The following STX11 variants were observed in gnomAD, a reference collection of about 807,000 sequenced individuals.
STX11 encodes the protein syntaxin 11.
A neutral mutation model predicts 19.9 loss-of-function variants in STX11; 21 were observed. The observed-to-expected ratio is 1.06, with a 90% CI of 0.75 to 1.52. The LOEUF is 1.52. Ranked by LOEUF, STX11 falls within the 40% of genes most tolerant of loss-of-function variation. STX11 has a pLI of 0.00. For missense variants in STX11, 438 were observed against 405.9 expected (o/e 1.08, Z -0.68); for synonymous variants, 193 against 174.4 (o/e 1.11, Z -0.84).
chr6:144,150,813 C>T, intron 1 of STX11, 110 bp downstream of exon 1: 1 of 858,480 alleles, frequency 1.2e-6, no homozygotes, highest in Non-Finnish European at 1.4e-6. Flanking sequence ...GGCTCGGGAC[C>T]CGCGGCTGTG....
upstream of STX11, among the ~76,000 whole-genome samples, chr6:144,148,547 C>T (rs1800920539): frequency 6.6e-6 from 1 of 152,192 alleles, no homozygotes; most frequent in Non-Finnish European, 1.5e-5. Flanking sequence ...TCAGATTTCC[C>T]TATGATTACC....
At position 144,151,063 on chromosome 6, in the gene STX11, G is replaced by A. The variant is rs1290331370; in HGVS notation, c.-6+360G>A. Among the ~76,000 whole-genome samples, 1 of 152,190 alleles carries A rather than the reference G, an allele frequency of 6.6e-6. No individual in the cohort carries two copies. The highest frequency in any genetic ancestry group is 1.5e-5 in the Non-Finnish European group (1 of 68,034). ...TTTTATTTTAAATCGAAAGGCTGGA[G>A]TGTTTTTTTATTATCACCTCTTCAC... On this transcript the variant is annotated intron_variant, in intron 1 of 1. Transcript: ENST00000367568. The surrounding 1 kb of genome is among the most constrained non-coding windows in gnomAD (Gnocchi z 4.6).
At chr6:144,142,788 T>C in the STX11 span, among the ~76,000 whole-genome samples, 5 of 152,174 alleles carry the variant, frequency 3.3e-5, no homozygotes, top group African/African-American at 1.2e-4. Context: ...GGGTACAAAT[T>C]ACGGTTGGAT....
intron 1 of STX11, among the ~76,000 whole-genome samples, chr6:144,166,936 A>G (rs541291003): frequency 4.1e-5 from 6 of 146,668 alleles, no homozygotes; most frequent in African/African-American, 1.5e-4. Context: ...CTTCACCTGC[A>G]CAAAAATTTT....
At position 144,167,526 on chromosome 6, in the gene STX11, T is replaced by C. The variant is rs548240051; in HGVS notation, c.-6+16823T>C. ...GGTGTCACTATCTCAGGCACCCACGTGGACAATCTGTGCTTGCTTGGTATC... is the reference window on the plus strand; with the variant it reads ...GGTGTCACTATCTCAGGCACCCACGCGGACAATCTGTGCTTGCTTGGTATC... On this transcript the variant is annotated intron_variant, in intron 1 of 1. Coordinates refer to ENST00000367568, the MANE Select transcript of STX11 (RefSeq NM_003764.4). This position sits in a 1 kb window ranked among gnomAD's most constrained non-coding sequence, Gnocchi z 5.0. Among the ~76,000 whole-genome samples, 1 of 152,394 alleles carries C rather than the reference T, an allele frequency of 6.6e-6. No homozygotes were observed. Among genetic ancestry groups the C allele is most frequent in the Admixed American group, 6.5e-5 (1 of 15,310 alleles).
In STX11 at chr6:144,186,738, G is replaced by A. The variant is rs774875167; in HGVS notation, c.111G>A (p.Thr37=). ...CCCACGAGGACATCGTGTTCGAGAC[G>A]GACCACATCCTGGAGTCCCTGTACC... ...DSPHEDIVFE[T]DHILESLYRD... is the part of the protein sequence containing the mutation. The change falls in exon 2 of 2, where the codon ACG becomes ACA. Residue 37 remains threonine (T), a synonymous_variant. Transcript: ENST00000367568. 1 of 1,614,164 alleles carries A rather than the reference G, an allele frequency of 6.2e-7. No homozygotes were observed. The highest frequency in any genetic ancestry group is 1.1e-5 in the South Asian group (1 of 91,086).
At chr6:144,147,475 C>CT (rs931216784), upstream of STX11, among the ~76,000 whole-genome samples, 2 of 152,142 alleles carry the variant, frequency 1.3e-5, no homozygotes, top group African/African-American at 4.8e-5. This position sits in a 1 kb window ranked among gnomAD's most constrained non-coding sequence, Gnocchi z 4.2. Context: ...TTCTCATTCT[C>CT]TTTTTTTGAT....
At chr6:144,150,734 C>T (rs1800982775) in intron 1 of STX11, 31 bp downstream of exon 1, 1 of 976,028 alleles carries the variant, frequency 1.0e-6, no homozygotes. Context: ...GCCCCCATTT[C>T]TCTTCCTGAC....
rs1297971441 is a variant in STX11 at position 144,151,308 on chromosome 6, G to A, written c.-6+605G>A. The A allele has an allele frequency of 1.0e-6, 1 of 985,322 alleles. No homozygotes were observed. The highest frequency in any genetic ancestry group is 1.2e-6 in the Non-Finnish European group (1 of 829,936). The allele number at this position is 985,322 out of a possible 1,614,324, so 61.0% of individuals were successfully genotyped here. The stretch of plus-strand genomic sequence containing the variant: ...TGAGAGGGAATTCTGCCTTTTTCTA[G>A]ACTCCGCTGACACCAGCTGAGATCT... On this transcript the variant is annotated intron_variant, in intron 1 of 1. Coordinates refer to ENST00000367568, the MANE Select transcript of STX11 (RefSeq NM_003764.4). This position sits in a 1 kb window ranked among gnomAD's most constrained non-coding sequence, Gnocchi z 4.6.
intron 1 of STX11, among the ~76,000 whole-genome samples, chr6:144,171,355 A>G (rs898836543): frequency 6.6e-6 from 1 of 152,216 alleles, no homozygotes; most frequent in Non-Finnish European, 1.5e-5. Context: ...TGCTCTTTTT[A>G]GCATGGCATC....
At chr6:144,158,232 C>T (rs1212222288) in intron 1 of STX11, among the ~76,000 whole-genome samples, 1 of 152,214 alleles carries the variant, frequency 6.6e-6, no homozygotes, top group Admixed American at 6.5e-5. Context: ...CAGAGGAGCA[C>T]CGGAGCCTTA....
At position 144,155,283 on chromosome 6, in the gene STX11, GTTC is replaced by G. The variant is rs1801107296; in HGVS notation, c.-6+4581_-6+4583del. On this transcript the variant is annotated intron_variant, in intron 1 of 1. Coordinates refer to ENST00000367568, the MANE Select transcript of STX11 (RefSeq NM_003764.4). This position sits in a 1 kb window ranked among gnomAD's most constrained non-coding sequence, Gnocchi z 4.5. Reference sequence around the variant, plus strand: ...AACTCACTTATTGAAGCTTTAAAATGTTCAAATGTCCACTTTGGGAGGCTGAGG... The same window carrying G: ...AACTCACTTATTGAAGCTTTAAAATGAAATGTCCACTTTGGGAGGCTGAGG... 6.6e-6 allele frequency among the ~76,000 whole-genome samples: 1 copy of G among 152,152 alleles called. No homozygotes were observed. The highest frequency in any genetic ancestry group is 1.5e-5 in the Non-Finnish European group (1 of 68,034).
Position 144,169,246 on chromosome 6 carries a change from A to T in STX11, c.-5-17377A>T, listed in dbSNP as rs1178152750. On this transcript the variant is annotated intron_variant, in intron 1 of 1. Transcript: ENST00000367568. This position sits in a 1 kb window ranked among gnomAD's most constrained non-coding sequence, Gnocchi z 5.2. ...TGTAGAGGCTGTCTCAGCTCTAGTC[A>T]GTGTCTTTCCGGGGCAATAACACCA... 6.6e-6 allele frequency among the ~76,000 whole-genome samples: 1 copy of T among 152,212 alleles called. No individual in the cohort carries two copies. Among genetic ancestry groups the T allele is most frequent in the Non-Finnish European group, 1.5e-5 (1 of 68,034 alleles).
chr6:144,140,925 G>A, the STX11 span: 568 of 422,664 alleles, frequency 1.3e-3, 1 homozygote, highest in African/African-American at 0.012. Context: ...TACACTTGTT[G>A]AAAACTAATT....
rs1801934428 is a variant in STX11 at position 144,182,573 on chromosome 6, G to A, written c.-5-4050G>A. ...CTTTATGGTTGTTCAATCTTGAGAA[G>A]GAATGACTGTCCCTGGACATCTTCC... On this transcript the variant is annotated intron_variant, in intron 1 of 1. Coordinates refer to ENST00000367568, the MANE Select transcript of STX11 (RefSeq NM_003764.4). The surrounding 1 kb of genome is among the most constrained non-coding windows in gnomAD (Gnocchi z 4.8). 6.6e-6 allele frequency among the ~76,000 whole-genome samples: 1 copy of A among 152,184 alleles called. No individual in the cohort carries two copies. The highest frequency in any genetic ancestry group is 1.5e-5 in the Non-Finnish European group (1 of 68,026).
chr6:144,142,160 C>T, the STX11 span, among the ~76,000 whole-genome samples: 6 of 151,658 alleles, frequency 4.0e-5, no homozygotes, highest in African/African-American at 1.5e-4. Context: ...GCACATTTCA[C>T]AAATTTGTGA....
At chr6:144,166,491 T>A (rs1474944640) in intron 1 of STX11, among the ~76,000 whole-genome samples, 1 of 151,770 alleles carries the variant, frequency 6.6e-6, no homozygotes, top group East Asian at 1.9e-4. Context: ...TTTCCCTCAG[T>A]CTTCCTTTCT....
Position 144,154,680 on chromosome 6 carries a change from C to T in STX11, c.-6+3977C>T, listed in dbSNP as rs1161917369. 6.6e-6 allele frequency among the ~76,000 whole-genome samples: 1 copy of T among 152,194 alleles called. No individual in the cohort carries two copies. The highest frequency in any genetic ancestry group is 2.4e-5 in the African/African-American group (1 of 41,442). ...AATGCAGACAGGTACATAACAACTC[C>T]AGATATTACATTCCTGACTTGTGAT... On this transcript the variant is annotated intron_variant, in intron 1 of 1. Transcript: ENST00000367568. This position sits in a 1 kb window ranked among gnomAD's most constrained non-coding sequence, Gnocchi z 4.7.
rs1270948649 is a variant in STX11, at chr6:144,169,160, G to A, written c.-5-17463G>A. Among the ~76,000 whole-genome samples, 1 of 152,212 alleles carries A rather than the reference G, an allele frequency of 6.6e-6. No homozygotes were observed. The highest frequency in any genetic ancestry group is 1.5e-5 in the Non-Finnish European group (1 of 68,052). On this transcript the variant is annotated intron_variant, in intron 1 of 1. Transcript: ENST00000367568. This position sits in a 1 kb window ranked among gnomAD's most constrained non-coding sequence, Gnocchi z 5.2. ...CCTGTCATAGCCAGATTACACTTAT[G>A]CATGCCTGCTGCATCAGCACATCCC...
Sources: gnomAD v4.1 joint callset for allele counts (sites outside exome capture counted in the v4.1 genomes callset) on GRCh38, gnomAD v4.1.1 for gene constraint, Gnocchi (gnomAD v3.1) non-coding constraint, MANE v1.5 for transcripts, NCBI Gene and HGNC (gene_info 2026-07-23, HGNC 2026-07-21) for gene names.